The following NAV3 variants were observed in gnomAD, a reference collection of about 807,000 sequenced individuals.
NAV3 encodes neuron navigator 3, also known as pore membrane and/or filament interacting like protein 1.
NAV3 carries 87 observed loss-of-function variants against 244.7 expected under a neutral mutation model. That is an observed-to-expected ratio of 0.36 (90% CI 0.30 to 0.42). The LOEUF (loss-of-function observed/expected upper bound fraction) is 0.42, where lower values mean the gene tolerates loss of function less well. Among genes scored for constraint, NAV3 ranks in the 20% least tolerant of loss-of-function variants. The pLI is 1.00. For synonymous variants in NAV3, 1,126 were observed against 1,042.2 expected, an observed-to-expected ratio of 1.08 and a Z score of -1.55; for missense variants, 2,663 against 2,893.3, an observed-to-expected ratio of 0.92 and a Z score of 1.83.
At chr12:77,941,770 T>C (rs907708360) in intron 3 of NAV3, among the ~76,000 whole-genome samples, 2 of 152,156 alleles carry the variant, frequency 1.3e-5, no homozygotes, top group Admixed American at 6.5e-5. Flanking sequence ...TGTTTCTTAA[T>C]TAAAAAGCCA....
chr12:78,109,720 G>GA (rs1267756799), intron 12 of NAV3, among the ~76,000 whole-genome samples: 3 of 151,814 alleles, frequency 2.0e-5, no homozygotes, highest in Admixed American at 6.6e-5. Flanking sequence ...AATAGATGCA[G>GA]AAAAAAATTT....
At chr12:77,800,781 A>G (rs1325368409) in intron 2 of NAV3, among the ~76,000 whole-genome samples, 1 of 152,140 alleles carries the variant, frequency 6.6e-6, no homozygotes, top group Non-Finnish European at 1.5e-5. Context: ...ACAGTTTTGT[A>G]AGATAAAACA....
At chr12:78,171,777 C>T (rs1050028229) in intron 24 of NAV3, among the ~76,000 whole-genome samples, 1 of 151,258 alleles carries the variant, frequency 6.6e-6, no homozygotes, top group Non-Finnish European at 1.5e-5. Context: ...TTTAGAGGCC[C>T]TTAAAATATT....
chr12:77,885,136 A>G (rs959456395), intron 1 of NAV3, among the ~76,000 whole-genome samples: 4 of 152,058 alleles, frequency 2.6e-5, no homozygotes, highest in African/African-American at 2.4e-5. Flanking sequence ...TTAATCATTT[A>G]TCTTGAAAGC....
chr12:77,960,446 T>C (rs1373021022), intron 3 of NAV3, among the ~76,000 whole-genome samples: 2 of 63,790 alleles, frequency 3.1e-5, no homozygotes, highest in African/African-American at 1.2e-4. Context: ...CATATATATA[T>C]ATATACACAC....
At chr12:78,188,126 C>A in intron 31 of NAV3, 122 bp from the exon 32 acceptor site, 1 of 694,014 alleles carries the variant, frequency 1.4e-6, no homozygotes. Flanking sequence ...ACTATAGAAG[C>A]CACAGGTTTA....
chr12:77,988,578 C>T (rs2136329968), intron 5 of NAV3, among the ~76,000 whole-genome samples: 1 of 152,246 alleles, frequency 6.6e-6, no homozygotes, highest in Non-Finnish European at 1.5e-5. Flanking sequence ...TCACATACTT[C>T]TTTTAGTAGG....
At chr12:77,660,125 AG>A (rs991949918) in intron 2 of NAV3, among the ~76,000 whole-genome samples, 2 of 152,126 alleles carry the variant, frequency 1.3e-5, no homozygotes, top group African/African-American at 2.4e-5. Flanking sequence ...TAAAAAAAAA[AG>A]AATATGAGAT....
chr12:77,813,697 G>T (rs1366406423), intron 2 of NAV3, among the ~76,000 whole-genome samples: 1 of 150,358 alleles, frequency 6.7e-6, no homozygotes, highest in Non-Finnish European at 1.5e-5. Context: ...AGAAAAAGTT[G>T]TTCATAAGGA....
chr12:77,606,858 G>GA (rs1870692545), intron 2 of NAV3, among the ~76,000 whole-genome samples: 1 of 152,076 alleles, frequency 6.6e-6, no homozygotes, highest in Non-Finnish European at 1.5e-5. Context: ...GAACAGTCTT[G>GA]AAACCCACTT....
chr12:77,631,054 A>C (rs1871873171), intron 2 of NAV3, among the ~76,000 whole-genome samples: 1 of 152,156 alleles, frequency 6.6e-6, no homozygotes, highest in Non-Finnish European at 1.5e-5. Context: ...TTAAGGAGAA[A>C]CCCCCAAACA....
At chr12:77,658,572 T>C (rs1429504766) in intron 2 of NAV3, among the ~76,000 whole-genome samples, 1 of 151,980 alleles carries the variant, frequency 6.6e-6, no homozygotes, top group Non-Finnish European at 1.5e-5. Context: ...CCCATCAAGC[T>C]ACCAATGACT....
chr12:77,728,688 G>C (rs1299219138), intron 2 of NAV3, among the ~76,000 whole-genome samples: 1 of 151,966 alleles, frequency 6.6e-6, no homozygotes, highest in African/African-American at 2.4e-5. Flanking sequence ...GAGGGTGGTA[G>C]AGGAAATGAT....
intron 2 of NAV3, among the ~76,000 whole-genome samples, chr12:77,812,760 A>G (rs947776339): frequency 1.3e-5 from 2 of 152,152 alleles, no homozygotes; most frequent in Non-Finnish European, 2.9e-5. Flanking sequence ...TAACAGTCAC[A>G]CTTGATCATT....
At chr12:77,874,093 C>T (rs1881486327) in intron 1 of NAV3, among the ~76,000 whole-genome samples, 1 of 152,006 alleles carries the variant, frequency 6.6e-6, no homozygotes, top group Non-Finnish European at 1.5e-5. Context: ...ACAGTTTCTT[C>T]TCAAACCCCC....
At chr12:78,090,740 C>A (rs1401417832) in intron 12 of NAV3, among the ~76,000 whole-genome samples, 1 of 152,088 alleles carries the variant, frequency 6.6e-6, no homozygotes, top group African/African-American at 2.4e-5. Flanking sequence ...GTCTTTATGA[C>A]CTATCTTTAA....
At chr12:77,834,754 G>A (rs1264142990) in intron 1 of NAV3, among the ~76,000 whole-genome samples, 1 of 152,152 alleles carries the variant, frequency 6.6e-6, no homozygotes, top group East Asian at 1.9e-4. Flanking sequence ...TATTTATAGG[G>A]ATGTTTTCAC....
chr12:77,734,395 G>A lies in NAV3; in HGVS notation c.72+162129G>A, dbSNP rs1013184924. 3.9e-5 allele frequency among the ~76,000 whole-genome samples: 6 copies of A among 152,036 alleles called. No individual in the cohort carries two copies. The East Asian group carries it at 5.8e-4, about 15-fold the overall frequency. On this transcript the variant is annotated intron_variant, in intron 2 of 8. Transcript: ENST00000550042. The stretch of plus-strand genomic sequence containing the variant: ...TCTTTCTAATTTCCAGGTTCTGTGT[G>A]TATGTTAGCCACATGAAAATCTTTG...
At chr12:78,114,988 T>G (rs1217054934) in intron 12 of NAV3, among the ~76,000 whole-genome samples, 1 of 152,226 alleles carries the variant, frequency 6.6e-6, no homozygotes, top group Non-Finnish European at 1.5e-5. Context: ...TCTTTATTTC[T>G]GATAGTTACA....
Sources: gnomAD v4.1 joint callset for allele counts (sites outside exome capture counted in the v4.1 genomes callset) on GRCh38, gnomAD v4.1.1 for gene constraint, MANE v1.5 for transcripts, NCBI Gene and HGNC (gene_info 2026-07-23, HGNC 2026-07-21) for gene names.